VPS54: variants seen among roughly 807,000 people sequenced by gnomAD.
VPS54 encodes the protein VPS54 subunit of GARP complex.
A neutral mutation model predicts 121.5 loss-of-function variants in VPS54; 45 were observed. That is an observed-to-expected ratio of 0.37 (90% CI 0.29 to 0.47). VPS54 has a LOEUF of 0.47. VPS54 is among the 20% of genes least tolerant of loss of function. The pLI is 0.99. For missense variants in VPS54, 1,090 were observed against 1,131.4 expected, an observed-to-expected ratio of 0.96 and a Z score of 0.52; for synonymous variants, 371 against 385.8, an observed-to-expected ratio of 0.96 and a Z score of 0.45.
At chr2:63,949,540 T>C (rs1675142166) in intron 7 of VPS54, among the ~76,000 whole-genome samples, 1 of 152,222 alleles carries the variant, frequency 6.6e-6, no homozygotes, top group South Asian at 2.1e-4. Context: ...CCATATACTA[T>C]ATTCTTACAA....
At chr2:63,929,835 C>T (rs1239532569) in intron 12 of VPS54, among the ~76,000 whole-genome samples, 1 of 151,992 alleles carries the variant, frequency 6.6e-6, no homozygotes, top group Non-Finnish European at 1.5e-5. Context: ...GGGGATATCA[C>T]CACCAACCCC....
At chr2:63,970,540 G>C (rs913236514) in intron 4 of VPS54, among the ~76,000 whole-genome samples, 3 of 151,930 alleles carry the variant, frequency 2.0e-5, no homozygotes, top group African/African-American at 7.3e-5. Flanking sequence ...ATAGTATTGA[G>C]GTTTCTGGAA....
intron 6 of VPS54, among the ~76,000 whole-genome samples, chr2:63,964,335 A>C: frequency 6.6e-6 from 1 of 152,216 alleles, no homozygotes; most frequent in South Asian, 2.1e-4. Context: ...TTGAATTTTC[A>C]ATAATCCATT....
chr2:63,900,302 G>A (rs1200570943), intron 20 of VPS54, among the ~76,000 whole-genome samples: 7 of 149,336 alleles, frequency 4.7e-5, no homozygotes, highest in Middle Eastern at 3.5e-3. Flanking sequence ...GAATAAATAT[G>A]TTTTTTATTT....
chr2:63,979,143 G>A (rs923877559), intron 3 of VPS54, among the ~76,000 whole-genome samples: 22 of 149,936 alleles, frequency 1.5e-4, no homozygotes, highest in Non-Finnish European at 2.1e-4. Flanking sequence ...AAGGCTTATC[G>A]AGTTTATCTT....
rs1672257485 is a variant in VPS54 at position 63,892,385 on chromosome 2, T to C, written c.*1045A>G. 1 of 152,204 alleles carries C rather than the reference T, an allele frequency of 6.6e-6. No individual in the cohort carries two copies. The highest frequency in any genetic ancestry group is 1.5e-5 in the Non-Finnish European group (1 of 68,024). The allele number at this position is 152,204 out of a possible 1,614,324, so 9.4% of individuals were successfully genotyped here. A position where few individuals can be genotyped will look rare whatever the true frequency, so the allele number is the denominator to read the frequency against. ...TTGTACAGTGCTGCTGATTCTAATT[T>C]TGAAGGTAGGTATTATAAAAGTCTT... On this transcript the variant is annotated 3_prime_UTR_variant, in exon 23 of 23. Coordinates refer to ENST00000272322, the MANE Select transcript of VPS54 (RefSeq NM_016516.3).
intron 16 of VPS54, among the ~76,000 whole-genome samples, chr2:63,914,995 T>A (rs1673313205): frequency 6.6e-6 from 1 of 151,000 alleles, no homozygotes; most frequent in African/African-American, 2.4e-5. Flanking sequence ...CTATTAAAAA[T>A]TCAAAATTAG....
intron 22 of VPS54, among the ~76,000 whole-genome samples, chr2:63,897,232 T>C (rs1672481849): frequency 6.6e-6 from 1 of 152,138 alleles, no homozygotes; most frequent in South Asian, 2.1e-4. Context: ...AGCTATTGGG[T>C]AACTAAGGAA....
intron 1 of VPS54, among the ~76,000 whole-genome samples, chr2:63,997,535 G>A (rs896107564): frequency 2.0e-5 from 3 of 151,990 alleles, no homozygotes; most frequent in East Asian, 1.9e-4. Flanking sequence ...TTGTGGTATC[G>A]GTTTTAGCAT....
Position 63,893,184 on chromosome 2 carries a change from C to T in VPS54, c.*246G>A, listed in dbSNP as rs1393840783. On this transcript the variant is annotated 3_prime_UTR_variant, in exon 23 of 23. Transcript: ENST00000272322. ...GTCCAAAGAAACCTGAGTCTGTTTC[C>T]AGAGAGAATGAAAAATGTTATAGAC... 7 of 537,666 alleles carry T rather than the reference C, an allele frequency of 1.3e-5. No homozygotes were observed. The highest frequency in any genetic ancestry group is 6.2e-5 in the Admixed American group (2 of 32,474). The allele number at this position is 537,666 out of a possible 1,614,324, so 33.3% of individuals were successfully genotyped here.
At chr2:63,948,639 A>C (rs1243258004) in intron 8 of VPS54, among the ~76,000 whole-genome samples, 1 of 151,866 alleles carries the variant, frequency 6.6e-6, no homozygotes. Context: ...GGGCTCAAGC[A>C]ATCTTCCCAC....
intron 1 of VPS54, among the ~76,000 whole-genome samples, chr2:63,993,025 T>A (rs945714422): frequency 6.6e-6 from 1 of 152,220 alleles, no homozygotes; most frequent in African/African-American, 2.4e-5. Context: ...TTCATTATAT[T>A]GATATTTTAA....
At chr2:63,907,149 T>C (rs747097743) in intron 20 of VPS54, among the ~76,000 whole-genome samples, 3 of 152,136 alleles carry the variant, frequency 2.0e-5, no homozygotes, top group Non-Finnish European at 4.4e-5. Context: ...AAATGAATCA[T>C]AGCCTTAAAT....
intron 15 of VPS54, among the ~76,000 whole-genome samples, chr2:63,917,226 T>C (rs986240049): frequency 2.0e-5 from 3 of 152,074 alleles, no homozygotes; most frequent in African/African-American, 4.8e-5. Flanking sequence ...ACTATCTGTA[T>C]CTATTAAATG....
In VPS54 at chr2:63,962,396, G is replaced by A. The variant is rs757361627; in HGVS notation, c.672C>T (p.Ile224=). The change falls in exon 7 of 23, where the codon ATC becomes ATT. Residue 224 remains isoleucine (I), a synonymous_variant. Transcript: ENST00000272322. ...DIVEVNIAHQ[I]SLRSEAFFHA... The stretch of plus-strand genomic sequence containing the variant: ...GAAAAAATGCTTCTGAACGTAGAGA[G>A]ATCTGGTGAGCAATGTTTACTTCCA... 1.3e-5 allele frequency: 21 copies of A among 1,613,562 alleles called. No homozygotes were observed. The highest frequency in any genetic ancestry group is 1.5e-5 in the Non-Finnish European group (18 of 1,179,788).
intron 1 of VPS54, among the ~76,000 whole-genome samples, chr2:64,017,785 A>T (rs1678778181): frequency 6.6e-6 from 1 of 152,272 alleles, no homozygotes; most frequent in Non-Finnish European, 1.5e-5. Flanking sequence ...AATTACAATA[A>T]AATCGCAAAC....
In VPS54 at chr2:63,949,597, A is replaced by G. The variant is rs535798961; in HGVS notation, c.1011-434T>C. On this transcript the variant is annotated intron_variant, in intron 7 of 22. Transcript: ENST00000272322. The stretch of plus-strand genomic sequence containing the variant: ...ACTAAGAAAATCCTATGGAAAAGAA[A>G]ATACATTGACTATTGATTAACTGGA... Among the ~76,000 whole-genome samples the G allele has an allele frequency of 9.8e-5, 15 of 152,348 alleles. No homozygotes were observed. In the South Asian group the frequency reaches 2.9e-3, roughly 29 times the overall value.
chr2:63,986,325 A>C (rs1030891821), intron 1 of VPS54, among the ~76,000 whole-genome samples: 1 of 151,962 alleles, frequency 6.6e-6, no homozygotes, highest in Non-Finnish European at 1.5e-5. Context: ...CTCGAGTTTC[A>C]ATTATTTTCA....
intron 2 of VPS54, among the ~76,000 whole-genome samples, chr2:63,983,444 ATTT>A (rs58336872): frequency 5.8e-5 from 7 of 120,102 alleles, no homozygotes; most frequent in South Asian, 5.5e-4. Flanking sequence ...GCCCCAAATG[ATTT>A]TTTTTTTTTT....
Sources: gnomAD v4.1 joint callset for allele counts (sites outside exome capture counted in the v4.1 genomes callset) on GRCh38, gnomAD v4.1.1 for gene constraint, MANE v1.5 for transcripts, NCBI Gene and HGNC (gene_info 2026-07-23, HGNC 2026-07-21) for gene names.